Variants in GREB1L observed in about 807,000 individuals in gnomAD.
GREB1L encodes the protein GREB1 like retinoic acid receptor coactivator, also known as GREB1-like protein.
A neutral mutation model predicts 200.8 loss-of-function variants in GREB1L; 17 were observed. That is an observed-to-expected ratio of 0.08 (90% CI 0.06 to 0.13). GREB1L has a LOEUF of 0.13. Among genes scored for constraint, GREB1L ranks in the 10% least tolerant of loss-of-function variants. The pLI, the probability that GREB1L is intolerant of heterozygous loss-of-function variation, is 1.00. For missense variants in GREB1L, 1,657 were observed against 2,367.7 expected, an observed-to-expected ratio of 0.70 and a Z score of 6.23; for synonymous variants, 789 against 893.0, an observed-to-expected ratio of 0.88 and a Z score of 2.08.
At chr18:21,434,497 ATATGTGTGTGTGTG>A (rs1374158307) in intron 7 of GREB1L, among the ~76,000 whole-genome samples, 2 of 122,418 alleles carry the variant, frequency 1.6e-5, no homozygotes, top group African/African-American at 6.2e-5. Flanking sequence ...ATATATATAT[ATATGTGTGTGTGTG>A]TGTGTGTGTG....
chr18:21,499,673 C>A, intron 21 of GREB1L, 56 bp from the exon 22 acceptor site: 1 of 1,300,890 alleles, frequency 7.7e-7, no homozygotes. Flanking sequence ...TCTGCTTCCA[C>A]ACCCTAGATC....
chr18:21,372,217 C>T (rs911581588), intron 2 of GREB1L, among the ~76,000 whole-genome samples: 32 of 150,224 alleles, frequency 2.1e-4, no homozygotes, highest in African/African-American at 7.6e-4. Context: ...GGCATGATCT[C>T]GGCTCACTGC....
At chr18:21,405,043 A>G (rs1273275626) in intron 7 of GREB1L, among the ~76,000 whole-genome samples, 2 of 152,248 alleles carry the variant, frequency 1.3e-5, no homozygotes, top group African/African-American at 4.8e-5. Context: ...AGCAATGATA[A>G]TAAGGCTAAC....
intron 1 of GREB1L, among the ~76,000 whole-genome samples, chr18:21,319,466 T>A (rs941146642): frequency 6.6e-6 from 1 of 152,256 alleles, no homozygotes; most frequent in African/African-American, 2.4e-5. Context: ...TTATATTGTA[T>A]TTTCAGAGTT....
intron 23 of GREB1L, among the ~76,000 whole-genome samples, chr18:21,502,322 C>G (rs924201444): frequency 6.6e-6 from 1 of 151,668 alleles, no homozygotes; most frequent in African/African-American, 2.4e-5. Context: ...ACCAATTTGA[C>G]TGTGCTGGCA....
chr18:21,330,382 C>G (rs537733056), intron 1 of GREB1L, among the ~76,000 whole-genome samples: 20 of 152,188 alleles, frequency 1.3e-4, no homozygotes, highest in Non-Finnish European at 2.5e-4. Flanking sequence ...CCTTAAGTGG[C>G]CTCTCTTGGC....
intron 1 of GREB1L, among the ~76,000 whole-genome samples, chr18:21,338,894 ACTTAT>A (rs138480349): frequency 4.6e-5 from 7 of 152,150 alleles, no homozygotes; most frequent in African/African-American, 9.7e-5. Context: ...TAGGTTTTAA[ACTTAT>A]CTTATTAGGC....
At chr18:21,383,360 AG>A (rs1336773855) in intron 2 of GREB1L, 149 bp from the exon 3 acceptor site, 5 of 591,130 alleles carry the variant, frequency 8.5e-6, no homozygotes, top group Non-Finnish European at 1.4e-5. Flanking sequence ...AACTTACACA[AG>A]CTGTCTTAAG....
At chr18:21,250,525 A>G (rs2037685817) in intron 1 of GREB1L, among the ~76,000 whole-genome samples, 2 of 152,180 alleles carry the variant, frequency 1.3e-5, no homozygotes, top group African/African-American at 2.4e-5. Context: ...TACTACTCAA[A>G]TGTATCATTC....
intron 31 of GREB1L, among the ~76,000 whole-genome samples, 164 bp downstream of exon 31, chr18:21,518,398 G>A (rs1008161754): frequency 3.3e-5 from 5 of 152,178 alleles, no homozygotes; most frequent in Middle Eastern, 3.2e-3. Context: ...ATCAAAACTT[G>A]TATTTCTACC....
intron 2 of GREB1L, among the ~76,000 whole-genome samples, chr18:21,374,869 T>A (rs76042683): frequency 7.1e-6 from 1 of 140,186 alleles, no homozygotes; most frequent in Non-Finnish European, 1.5e-5. Context: ...TTTTTTTTTT[T>A]CCACACAGGG....
chr18:21,515,350 G>A (rs1308918701), intron 28 of GREB1L, 67 bp from the exon 29 acceptor site: 2 of 1,082,442 alleles, frequency 1.8e-6, no homozygotes, highest in Non-Finnish European at 2.7e-6. Context: ...GTAGTGTGTA[G>A]ACACTTCACA....
intron 5 of GREB1L, among the ~76,000 whole-genome samples, chr18:21,400,752 G>A (rs1177277764): frequency 6.6e-6 from 1 of 152,186 alleles, no homozygotes; most frequent in Non-Finnish European, 1.5e-5. Flanking sequence ...GTGGTAGAGA[G>A]GGCAGAGAAC....
At chr18:21,484,796 C>G (rs533443182) in intron 17 of GREB1L, among the ~76,000 whole-genome samples, 1 of 152,078 alleles carries the variant, frequency 6.6e-6, no homozygotes, top group Non-Finnish European at 1.5e-5. Context: ...GCACTCCAGC[C>G]TGGGCAACAA....
chr18:21,412,051 CAAAAAAAAA>C (rs962603456), intron 7 of GREB1L, among the ~76,000 whole-genome samples: 3,529 of 30,436 alleles, frequency 0.12, 57 homozygotes, highest in Middle Eastern at 0.24. Flanking sequence ...GACTCCGTCT[CAAAAAAAAA>C]AAAAAAAAAA....
intron 6 of GREB1L, among the ~76,000 whole-genome samples, chr18:21,403,193 A>G (rs2041389846): frequency 6.6e-6 from 1 of 152,192 alleles, no homozygotes; most frequent in Admixed American, 6.5e-5. Context: ...TAACAGTCCC[A>G]CAGGCTGTCA....
chr18:21,491,733 C>T (rs2036346493), intron 19 of GREB1L, among the ~76,000 whole-genome samples: 1 of 150,256 alleles, frequency 6.7e-6, no homozygotes, highest in African/African-American at 2.5e-5. Flanking sequence ...AAAAATTGTT[C>T]TGGAGATGTA....
At chr18:21,430,194 G>T (rs57581407) in intron 7 of GREB1L, among the ~76,000 whole-genome samples, 1 of 152,048 alleles carries the variant, frequency 6.6e-6, no homozygotes, top group Non-Finnish European at 1.5e-5. Flanking sequence ...AGGAATTGGG[G>T]CCTCAACATA....
chr18:21,516,882 T>TTG, intron 30 of GREB1L, 128 bp downstream of exon 30: 3 of 892,178 alleles, frequency 3.4e-6, no homozygotes, highest in Non-Finnish European at 3.3e-6. Flanking sequence ...AGGGAGTTTT[T>TTG]TTTTTTTTTT....
Sources: allele counts gnomAD v4.1 joint callset (sites outside exome capture counted in the v4.1 genomes callset), GRCh38; gene constraint gnomAD v4.1.1; transcripts MANE v1.5; gene names NCBI Gene and HGNC (gene_info 2026-07-23, HGNC 2026-07-21).